ALDH1L1: variants seen among roughly 807,000 people sequenced by gnomAD.
ALDH1L1 encodes the protein cytosolic 10-formyltetrahydrofolate dehydrogenase.
In ALDH1L1, 68 loss-of-function variants were observed where a neutral mutation model predicts 101.1. The ratio of observed to expected loss-of-function variants is 0.67; its 90% CI spans 0.55 to 0.82. The LOEUF (loss-of-function observed/expected upper bound fraction) is 0.82, where lower values mean the gene tolerates loss of function less well. Among genes scored for constraint, ALDH1L1 ranks in the 40% least tolerant of loss-of-function variants. The probability of loss-of-function intolerance (pLI) is 0.00; values close to 1 mark genes in which losing one functional copy is unlikely to be tolerated. For synonymous variants in ALDH1L1, 486 were observed against 470.8 expected (o/e 1.03, Z -0.42); for missense variants, 1,087 against 1,172.7 (o/e 0.93, Z 1.07).
intron 14 of ALDH1L1, among the ~76,000 whole-genome samples, chr3:126,126,330 C>A (rs1471433342): frequency 6.6e-6 from 1 of 152,192 alleles, no homozygotes; most frequent in Non-Finnish European, 1.5e-5. Context: ...AGCAGGCACA[C>A]TGGCCGGGTA....
At chr3:126,172,570 T>A (rs1266265124) in intron 1 of ALDH1L1, among the ~76,000 whole-genome samples, 2 of 151,782 alleles carry the variant, frequency 1.3e-5, no homozygotes, top group African/African-American at 2.4e-5. Flanking sequence ...AAACAGAATA[T>A]CCAAGAATGG....
intron 17 of ALDH1L1, among the ~76,000 whole-genome samples, chr3:126,115,873 C>A (rs1379158038): frequency 6.6e-6 from 1 of 151,670 alleles, no homozygotes; most frequent in Non-Finnish European, 1.5e-5. Context: ...CAGCACCCAG[C>A]CTTTTTTTTT....
chr3:126,184,250 G>T (rs748338670), upstream of ALDH1L1, among the ~76,000 whole-genome samples: 1 of 152,196 alleles, frequency 6.6e-6, no homozygotes, highest in South Asian at 2.1e-4. Flanking sequence ...TCACTGTGCC[G>T]GGAATGCCCT....
intron 1 of ALDH1L1, among the ~76,000 whole-genome samples, chr3:126,188,614 G>A (rs180983810): frequency 7.2e-4 from 110 of 152,208 alleles, no homozygotes; most frequent in Admixed American, 2.1e-3. Flanking sequence ...GGGCATCAGC[G>A]CTCCTCCCAC....
intron 14 of ALDH1L1, among the ~76,000 whole-genome samples, chr3:126,128,222 CCAAA>C (rs1339037133): frequency 5.9e-5 from 9 of 152,172 alleles, no homozygotes; most frequent in African/African-American, 2.2e-4. Flanking sequence ...ACACAAACAT[CCAAA>C]AGAGCTGGAC....
At chr3:126,141,969 A>G (rs927929542) in intron 9 of ALDH1L1, among the ~76,000 whole-genome samples, 1 of 152,186 alleles carries the variant, frequency 6.6e-6, no homozygotes, top group African/African-American at 2.4e-5. Flanking sequence ...TGACCAAGAA[A>G]CAAAAAGTGA....
In ALDH1L1 at chr3:126,160,835, C is replaced by T. The variant is rs918122692; in HGVS notation, c.127+18G>A. On this transcript the variant is annotated intron_variant, in intron 2 of 22. Coordinates refer to ENST00000393434, the MANE Select transcript of ALDH1L1 (RefSeq NM_012190.4). ...GGGCCGCCCTCCATCAGCTTCCCTGCTCCATTGGCTCACTCACCCAGGGGG... is the reference window on the plus strand; with the variant it reads ...GGGCCGCCCTCCATCAGCTTCCCTGTTCCATTGGCTCACTCACCCAGGGGG... 4.3e-6 allele frequency: 7 copies of T among 1,612,188 alleles called. No individual in the cohort carries two copies. The highest frequency in any genetic ancestry group is 4.5e-5 in the East Asian group (2 of 44,896).
At chr3:126,129,557 C>T (rs796433850) in intron 14 of ALDH1L1, 12 of 152,508 alleles carry the variant, frequency 7.9e-5, no homozygotes, top group African/African-American at 2.9e-4. Context: ...GCTGCACCAG[C>T]ACCTGCTGCT....
intron 6 of ALDH1L1, 119 bp from the exon 7 acceptor site, chr3:126,153,700 G>A: frequency 7.6e-7 from 1 of 1,321,812 alleles, no homozygotes; most frequent in East Asian, 2.5e-5. Context: ...CTGAGACCTG[G>A]GAGCCGGCTC....
intron 1 of ALDH1L1, among the ~76,000 whole-genome samples, chr3:126,162,454 A>T (rs377525647): frequency 9.9e-5 from 15 of 152,128 alleles, no homozygotes; most frequent in Admixed American, 7.2e-4. Flanking sequence ...TTTCTTGGCT[A>T]TTTGGATATC....
chr3:126,175,103 A>G (rs971392717), intron 1 of ALDH1L1, among the ~76,000 whole-genome samples: 2 of 152,150 alleles, frequency 1.3e-5, no homozygotes, highest in African/African-American at 4.8e-5. Flanking sequence ...ATAATAAAAT[A>G]CTAGTATGAA....
intron 22 of ALDH1L1, 55 bp from the exon 23 acceptor site, chr3:126,103,901 G>A (rs983819070): frequency 2.5e-5 from 40 of 1,582,462 alleles, no homozygotes; most frequent in South Asian, 4.5e-5. Context: ...GGCACTGCTC[G>A]GGGCTGCAAG....
chr3:126,142,023 C>T (rs149543847), intron 9 of ALDH1L1, among the ~76,000 whole-genome samples: 2 of 152,176 alleles, frequency 1.3e-5, no homozygotes, highest in African/African-American at 4.8e-5. Context: ...AGACATTATA[C>T]CAATCTTACA....
chr3:126,140,925 T>C (rs2080555686), intron 9 of ALDH1L1, among the ~76,000 whole-genome samples: 1 of 151,608 alleles, frequency 6.6e-6, no homozygotes, highest in Admixed American at 6.6e-5. Flanking sequence ...AATCTTTATT[T>C]ATTAGTAACC....
chr3:126,173,680 G>A (rs1296074159), intron 1 of ALDH1L1, among the ~76,000 whole-genome samples: 2 of 152,118 alleles, frequency 1.3e-5, no homozygotes, highest in East Asian at 1.9e-4. Flanking sequence ...ATAAAGAATC[G>A]TGACCTAACT....
chr3:126,139,114 C>T (rs570921518), intron 9 of ALDH1L1, among the ~76,000 whole-genome samples: 1 of 152,390 alleles, frequency 6.6e-6, no homozygotes, highest in African/African-American at 2.4e-5. Flanking sequence ...TGACCACCAG[C>T]ATTGTGTCCT....
chr3:126,177,857 T>G (rs2108338933), intron 1 of ALDH1L1, among the ~76,000 whole-genome samples: 1 of 149,202 alleles, frequency 6.7e-6, no homozygotes, highest in African/African-American at 2.5e-5. Context: ...CTGGCTAACA[T>G]GGTAAAACCC....
rs558825516 is a variant in ALDH1L1 at position 126,112,535 on chromosome 3, C to T, written c.2181+247G>A. Reference sequence around the variant, plus strand: ...CCAGGCTCTATTTCTAGGGGACCAACCCAAGATGGGCCCTTTTTGGTGATG... The same window carrying T: ...CCAGGCTCTATTTCTAGGGGACCAATCCAAGATGGGCCCTTTTTGGTGATG... On this transcript the variant is annotated intron_variant, in intron 19 of 22. Transcript: ENST00000393434. Among the ~76,000 whole-genome samples, 40 of 152,328 alleles carry T rather than the reference C, an allele frequency of 2.6e-4. 1 individual carries two copies. In the South Asian group the frequency reaches 8.1e-3, roughly 31 times the overall value.
intron 4 of ALDH1L1, 129 bp downstream of exon 4, chr3:126,157,214 C>T (rs1559960978): frequency 8.7e-7 from 1 of 1,152,690 alleles, no homozygotes; most frequent in Non-Finnish European, 1.2e-6. Flanking sequence ...GAAGTGAGAG[C>T]TCCTCTCCCT....
Sources: allele counts gnomAD v4.1 joint callset (sites outside exome capture counted in the v4.1 genomes callset), GRCh38; gene constraint gnomAD v4.1.1; transcripts MANE v1.5; gene names NCBI Gene and HGNC (gene_info 2026-07-23, HGNC 2026-07-21).